The following SREK1 variants were observed in gnomAD, a reference collection of about 807,000 sequenced individuals.
SREK1 encodes splicing regulatory glutamine/lysine-rich protein 1.
A neutral mutation model predicts 66.5 loss-of-function variants in SREK1; 13 were observed. The ratio of observed to expected loss-of-function variants is 0.20; its 90% CI spans 0.13 to 0.31. The LOEUF is 0.31. Among genes scored for constraint, SREK1 ranks in the 10% least tolerant of loss-of-function variants. The pLI, the probability that SREK1 is intolerant of heterozygous loss-of-function variation, is 1.00. For synonymous variants in SREK1, 265 were observed against 263.5 expected (o/e 1.01, Z -0.05); for missense variants, 607 against 769.6 (o/e 0.79, Z 2.50).
In SREK1 at chr5:66,179,051, C is replaced by A; in HGVS notation, c.*183C>A. 1 of 553,102 alleles carries A rather than the reference C, an allele frequency of 1.8e-6. No homozygotes were observed. The highest frequency in any genetic ancestry group is 2.8e-6 in the Non-Finnish European group (1 of 352,878). The allele number at this position is 553,102 out of a possible 1,614,324, so 34.3% of individuals were successfully genotyped here. ...GAGTAAGAAAATAAAGCATGGACAT[C>A]ATGAAAATAACAGATGTTACCCAAA... On this transcript the variant is annotated 3_prime_UTR_variant, in exon 12 of 12. Coordinates refer to ENST00000334121, the MANE Select transcript of SREK1 (RefSeq NM_001077199.3).
chr5:66,165,134 G>T (rs895848000), intron 7 of SREK1: 1 of 356,632 alleles, frequency 2.8e-6, no homozygotes, highest in Non-Finnish European at 5.0e-6. Context: ...AGTTAGTTTT[G>T]TGTCTAAAGA....
intron 9 of SREK1, among the ~76,000 whole-genome samples, chr5:66,172,081 C>G (rs1745687676): frequency 6.6e-6 from 1 of 152,172 alleles, no homozygotes; most frequent in Admixed American, 6.5e-5. Context: ...TCAAAATAAA[C>G]AGATCACTGC....
At chr5:66,158,718 T>A (rs557496803) in intron 2 of SREK1, 2 of 1,126,758 alleles carry the variant, frequency 1.8e-6, no homozygotes, top group Middle Eastern at 2.4e-4. Flanking sequence ...CTTTTTCTTT[T>A]TTTTGACTAA....
intron 11 of SREK1, among the ~76,000 whole-genome samples, chr5:66,177,873 A>C (rs1746188596): frequency 6.6e-6 from 1 of 152,120 alleles, no homozygotes; most frequent in Non-Finnish European, 1.5e-5. Context: ...GTTAAATCCT[A>C]ACATGGCATG....
Position 66,179,029 on chromosome 5 carries a change from T to A in SREK1, c.*161T>A. ...ACTTTGTGGCCATCTTGTTATTGAG[T>A]AAGAAAATAAAGCATGGACATCATG... On this transcript the variant is annotated 3_prime_UTR_variant, in exon 12 of 12. Coordinates refer to ENST00000334121, the MANE Select transcript of SREK1 (RefSeq NM_001077199.3). 1.5e-6 allele frequency: 1 copy of A among 684,536 alleles called. No individual in the cohort carries two copies. Among genetic ancestry groups the A allele is most frequent in the Non-Finnish European group, 2.2e-6 (1 of 462,854 alleles). The allele number at this position is 684,536 out of a possible 1,614,324, so 42.4% of individuals were successfully genotyped here.
chr5:66,170,670 A>G lies in SREK1; in HGVS notation c.1207A>G (p.Lys403Glu). ...CAGGGAAAAGGAGAGAGAGAGGGAA[A>G]AGGAACGTGAAAAAGAAAAGGAACG... The part of the protein sequence containing the change: ...KDREKERERE[K>E]EREKEKERGK... Residue 403 changes from lysine to glutamate, a missense_variant, in exon 9 of 12, where the codon AAG becomes GAG. By Grantham distance (56) the Lys-to-Glu change is moderately conservative. Coordinates refer to ENST00000334121, the MANE Select transcript of SREK1 (RefSeq NM_001077199.3). The G allele has an allele frequency of 1.2e-6, 2 of 1,613,504 alleles. No homozygotes were observed. The highest frequency in any genetic ancestry group is 1.7e-6 in the Non-Finnish European group (2 of 1,179,766).
chr5:66,154,663 C>T (rs114604165), intron 2 of SREK1, among the ~76,000 whole-genome samples: 1 of 152,158 alleles, frequency 6.6e-6, no homozygotes, highest in African/African-American at 2.4e-5. Flanking sequence ...CAGTCTAATA[C>T]AGTGAGTACC....
At position 66,145,166 on chromosome 5, in the gene SREK1, A is replaced by G. The variant is rs574533698; in HGVS notation, c.161+629A>G. Reference sequence around the variant, plus strand: ...TCCTCCTGAAAGGTCACACTGTCCCAAAGCTTTCAGAAAAAGTGTAAGTCG... The same window carrying G: ...TCCTCCTGAAAGGTCACACTGTCCCGAAGCTTTCAGAAAAAGTGTAAGTCG... On this transcript the variant is annotated intron_variant, in intron 1 of 11. Transcript: ENST00000334121. 1.7e-5 allele frequency: 17 copies of G among 985,468 alleles called. No homozygotes were observed. The African/African-American group carries it at 1.9e-4, about 11-fold the overall frequency. 61.0% of individuals were successfully genotyped at this position (985,468 alleles called of 1,614,324 possible).
chr5:66,164,286 A>C (rs1201499814), intron 6 of SREK1: 1 of 259,948 alleles, frequency 3.8e-6, no homozygotes, highest in African/African-American at 2.3e-5. Context: ...TAATTTTAGA[A>C]GTAGAGAAGA....
In SREK1 at chr5:66,180,603, TTTTG is replaced by T. The variant is rs775053497; in HGVS notation, c.*1743_*1746del. 4 of 152,602 alleles carry T rather than the reference TTTTG, an allele frequency of 2.6e-5. No individual in the cohort carries two copies. The highest frequency in any genetic ancestry group is 4.4e-5 in the Non-Finnish European group (3 of 68,014). The allele number at this position is 152,602 out of a possible 1,614,324, so 9.5% of individuals were successfully genotyped here. A position where few individuals can be genotyped will look rare whatever the true frequency, so the allele number is the denominator to read the frequency against. On this transcript the variant is annotated 3_prime_UTR_variant, in exon 12 of 12. Transcript: ENST00000334121. ...TTCATGTGTTCAGAATTACTGTTTT[TTTTG>T]TTTGTTTTTCCTTTTTGTCACTGTG... is the stretch of plus-strand genomic sequence containing the variant.
Position 66,164,809 on chromosome 5 carries a change from G to C in SREK1, c.913G>C (p.Gly305Arg). 2 of 1,614,072 alleles carry C rather than the reference G, an allele frequency of 1.2e-6. No homozygotes were observed. The highest frequency in any genetic ancestry group is 1.1e-5 in the South Asian group (1 of 91,086). ...PESGKSNERK[G>R]GRSRSHTRSK... is the part of the protein sequence containing the mutation. ...GTCTGGAAAGAGCAATGAAAGAAAA[G>C]GCGGTCGATCTCGTTCCCATACTCG... Residue 305 changes from glycine (G) to arginine (R), a missense_variant, in exon 7 of 12, where the codon GGC (glycine) becomes CGC (arginine). Transcript: ENST00000334121.
At chr5:66,168,806 A>G (rs1745381980) in intron 7 of SREK1, 1 of 152,228 alleles carries the variant, frequency 6.6e-6, no homozygotes, top group Non-Finnish European at 1.5e-5. Context: ...ATAAGGATAT[A>G]AAGTTTACAT....
At chr5:66,166,572 G>A (rs1382247909) in intron 7 of SREK1, 1 of 152,026 alleles carries the variant, frequency 6.6e-6, no homozygotes, top group Non-Finnish European at 1.5e-5. Flanking sequence ...CCAGGCACAA[G>A]TGATCCTCCC....
intron 2 of SREK1, among the ~76,000 whole-genome samples, chr5:66,154,993 A>C (rs1744157516): frequency 6.6e-6 from 1 of 152,226 alleles, no homozygotes; most frequent in African/African-American, 2.4e-5. Flanking sequence ...TCAGAAAATT[A>C]ATACCACCAA....
At chr5:66,177,325 A>T (rs1012436087) in intron 10 of SREK1, 189 bp from the exon 11 acceptor site, 1 of 448,810 alleles carries the variant, frequency 2.2e-6, no homozygotes, top group Non-Finnish European at 3.9e-6. Flanking sequence ...TTAAGAAACT[A>T]ACTGGGGTAA....
At chr5:66,158,139 GA>G (rs1328487992) in intron 2 of SREK1, 2 of 149,974 alleles carry the variant, frequency 1.3e-5, no homozygotes, top group Non-Finnish European at 3.0e-5. Flanking sequence ...TGCCTAAGGG[GA>G]TAAGGAAAAA....
At position 66,153,542 on chromosome 5, in the gene SREK1, C is replaced by G; in HGVS notation, c.241C>G (p.Leu81Val). 1 of 1,614,078 alleles carries G rather than the reference C, an allele frequency of 6.2e-7. No homozygotes were observed. The highest frequency in any genetic ancestry group is 8.5e-7 in the Non-Finnish European group (1 of 1,179,962). Residue 81 changes from leucine to valine, a missense_variant, in exon 2 of 12, where the codon CTA becomes GTA. This residue lies in a region of SREK1 where 99 missense variants were observed against 186.6 expected (regional missense o/e 0.53). Transcript: ENST00000334121. ...DPSSVGVAQH[L>V]TNTVFIDRAL... is the part of the protein sequence containing the mutation. ...ATCAAGTGTTGGCGTGGCCCAGCAT[C>G]TAACTAACACGGTTTTTATTGACAG...
chr5:66,158,742 C>T lies in SREK1; in HGVS notation c.296-477C>T. On this transcript the variant is annotated intron_variant, in intron 2 of 11. Coordinates refer to ENST00000334121, the MANE Select transcript of SREK1 (RefSeq NM_001077199.3). ...TTTTTTGACTAATTTGGTTATTTGCCATTTCTGGGGATTAAACTTTAAAAA... is the reference window on the plus strand; with the variant it reads ...TTTTTTGACTAATTTGGTTATTTGCTATTTCTGGGGATTAAACTTTAAAAA... The T allele has an allele frequency of 5.8e-6, 7 of 1,202,960 alleles. No individual in the cohort carries two copies. The South Asian group carries it at 8.3e-5, about 14-fold the overall frequency. 74.5% of individuals were successfully genotyped at this position (1,202,960 alleles called of 1,614,324 possible). A position where few individuals can be genotyped will look rare whatever the true frequency, so the allele number is the denominator to read the frequency against.
Position 66,179,014 on chromosome 5 carries a change from C to A in SREK1, c.*146C>A. On this transcript the variant is annotated 3_prime_UTR_variant, in exon 12 of 12. Coordinates refer to ENST00000334121, the MANE Select transcript of SREK1 (RefSeq NM_001077199.3). ...TCCAGTTGTTAGATGACTTTGTGGC[C>A]ATCTTGTTATTGAGTAAGAAAATAA... 1.2e-6 allele frequency: 1 copy of A among 857,268 alleles called. No individual in the cohort carries two copies. Among genetic ancestry groups the A allele is most frequent in the Non-Finnish European group, 1.6e-6 (1 of 611,602 alleles). The allele number at this position is 857,268 out of a possible 1,614,324, so 53.1% of individuals were successfully genotyped here.
Sources: gnomAD v4.1 joint callset for allele counts (sites outside exome capture counted in the v4.1 genomes callset) on GRCh38, gnomAD v4.1.1 for gene constraint, gnomAD v4.1.1 regional missense constraint, MANE v1.5 for transcripts, NCBI Gene and HGNC (gene_info 2026-07-23, HGNC 2026-07-21) for gene names.